NTNG2: variants seen among roughly 807,000 people sequenced by gnomAD.
NTNG2 encodes the protein netrin-G2.
Under a neutral mutation model 47.6 loss-of-function variants are expected in NTNG2, and 15 were observed. That is an observed-to-expected ratio of 0.32 (90% CI 0.21 to 0.49). The LOEUF (loss-of-function observed/expected upper bound fraction) is 0.49. Among genes scored for constraint, NTNG2 ranks in the 20% least tolerant of loss-of-function variants. The pLI is 0.99. For missense variants in NTNG2, 578 were observed against 764.6 expected (o/e 0.76, Z 2.88); for synonymous variants, 307 against 324.6 (o/e 0.95, Z 0.58).
intron 2 of NTNG2, among the ~76,000 whole-genome samples, chr9:132,170,710 TGAGA>T (rs143527538): frequency 1.4e-5 from 2 of 147,910 alleles, no homozygotes; most frequent in East Asian, 2.0e-4. Flanking sequence ...GACGAGCAGG[TGAGA>T]GAGAGAGAGA....
intron 5 of NTNG2, 34 bp from the exon 6 acceptor site, chr9:132,239,070 G>C (rs767646738): frequency 2.5e-6 from 4 of 1,603,236 alleles, no homozygotes; most frequent in Non-Finnish European, 3.4e-6. Context: ...AATGCTCGCT[G>C]ACCATTGGTA....
At chr9:132,227,446 A>G (rs1840861676) in intron 4 of NTNG2, among the ~76,000 whole-genome samples, 2 of 152,128 alleles carry the variant, frequency 1.3e-5, no homozygotes, top group African/African-American at 4.8e-5. Flanking sequence ...GGTGGCCCCC[A>G]TGGGATGGCA....
At position 132,189,068 on chromosome 9, in the gene NTNG2, CTTTTT is replaced by C. The variant is rs749756559; in HGVS notation, c.214-8875_214-8871del. Among the ~76,000 whole-genome samples, 406 of 93,288 alleles carry C rather than the reference CTTTTT, an allele frequency of 4.4e-3. 65 individuals carry two copies. In the East Asian group the frequency reaches 0.052, roughly 12 times the overall value. 61.2% of individuals were successfully genotyped at this position (93,288 alleles called of 152,430 possible). ...TATGTGAAAAAGGCTTTAAGCCTTT[CTTTTT>C]TTTTTTTTTTTTTTTTTTTTTTAGA... On this transcript the variant is annotated intron_variant, in intron 2 of 7. Coordinates refer to ENST00000393229, the MANE Select transcript of NTNG2 (RefSeq NM_032536.4).
chr9:132,198,543 C>T lies in NTNG2; in HGVS notation c.791C>T (p.Thr264Ile), dbSNP rs759744267. 2 of 1,613,096 alleles carry T rather than the reference C, an allele frequency of 1.2e-6. No individual in the cohort carries two copies. The highest frequency in any genetic ancestry group is 1.6e-4 in the Middle Eastern group (1 of 6,062). ...CTGCTGCGCCCGGCGCTGGGCGGCA[C>T]CTATGTGCAGCGGGAGAACCTCTAC... Reference protein sequence around the residue: ...MRLLRPALGGTYVQRENLYKY... With the variant: ...MRLLRPALGGIYVQRENLYKY... The change falls in exon 3 of 8, where the codon ACC becomes ATC. Residue 264 changes from threonine (T) to isoleucine (I), a missense_variant. By Grantham distance (89) the Thr-to-Ile change is moderately conservative. Transcript: ENST00000393229.
chr9:132,193,571 C>T (rs376182137), intron 2 of NTNG2, among the ~76,000 whole-genome samples: 31 of 152,232 alleles, frequency 2.0e-4, no homozygotes, highest in African/African-American at 5.3e-4. Context: ...GGGTAGGTGA[C>T]GCAGTGTGAC....
chr9:132,243,059 A>T lies in NTNG2; in HGVS notation c.*948A>T, dbSNP rs919138738. The T allele has an allele frequency of 5.6e-5, 8 of 142,540 alleles. No homozygotes were observed. Among genetic ancestry groups the T allele is most frequent in the Non-Finnish European group, 1.2e-4 (8 of 65,908 alleles). The allele number at this position is 142,540 out of a possible 1,614,324, so 8.8% of individuals were successfully genotyped here. A position where few individuals can be genotyped will look rare whatever the true frequency, so the allele number is the denominator to read the frequency against. ...TGCCCCACCTGTTAGGAGCCTCCCCACACTGAAAGGCTGCCTCCCTCCTTT... is the reference window on the plus strand; with the variant it reads ...TGCCCCACCTGTTAGGAGCCTCCCCTCACTGAAAGGCTGCCTCCCTCCTTT... On this transcript the variant is annotated 3_prime_UTR_variant, in exon 8 of 8. Transcript: ENST00000393229.
chr9:132,237,856 C>T (rs547778310), intron 5 of NTNG2, among the ~76,000 whole-genome samples: 2 of 152,320 alleles, frequency 1.3e-5, no homozygotes, highest in South Asian at 2.1e-4. Context: ...CACGGGTCAC[C>T]GATGCTGCTC....
At chr9:132,177,485 G>A (rs1417167930) in intron 2 of NTNG2, among the ~76,000 whole-genome samples, 2 of 152,206 alleles carry the variant, frequency 1.3e-5, no homozygotes, top group African/African-American at 2.4e-5. Flanking sequence ...TCTGGTGTAA[G>A]GGAAAAGGTC....
chr9:132,208,090 C>G lies in NTNG2; in HGVS notation c.857+9481C>G, dbSNP rs1391661092. 6.6e-6 allele frequency among the ~76,000 whole-genome samples: 1 copy of G among 152,002 alleles called. No homozygotes were observed. Among genetic ancestry groups the G allele is most frequent in the Non-Finnish European group, 1.5e-5 (1 of 68,006 alleles). ...CTGCACTCCAGCCTGGGCAACAGAG[C>G]GAGACCCTATCTCAAAACCCAGGGC... On this transcript the variant is annotated intron_variant, in intron 3 of 7. Coordinates refer to ENST00000393229, the MANE Select transcript of NTNG2 (RefSeq NM_032536.4). The surrounding 1 kb of genome is among the most constrained non-coding windows in gnomAD (Gnocchi z 4.0).
rs941893625 is a variant in NTNG2 at position 132,182,907 on chromosome 9, C to T, written c.214-15059C>T. On this transcript the variant is annotated intron_variant, in intron 2 of 7. Transcript: ENST00000393229. The surrounding 1 kb of genome is among the most constrained non-coding windows in gnomAD (Gnocchi z 4.2). ...CCCCCTGCCGCAGCTGCCCCCCAGA[C>T]CAGCTTCAGCAGCCTCTCTGGGCGG... 2.0e-5 allele frequency among the ~76,000 whole-genome samples: 3 copies of T among 152,112 alleles called. No homozygotes were observed. The highest frequency in any genetic ancestry group is 1.9e-4 in the East Asian group (1 of 5,162).
intron 3 of NTNG2, among the ~76,000 whole-genome samples, chr9:132,214,471 G>C (rs1839829734): frequency 6.6e-6 from 1 of 152,212 alleles, no homozygotes; most frequent in African/African-American, 2.4e-5. Flanking sequence ...TGTTATCTGG[G>C]CTGGGCTCTC....
chr9:132,172,798 C>T (rs530125844), intron 2 of NTNG2, among the ~76,000 whole-genome samples: 55 of 142,616 alleles, frequency 3.9e-4, no homozygotes, highest in Admixed American at 1.6e-3. Flanking sequence ...GGCGCAATCT[C>T]GGCTCGCTGC....
Position 132,177,721 on chromosome 9 carries a change from G to C in NTNG2, c.213+10677G>C, listed in dbSNP as rs542134484. Among the ~76,000 whole-genome samples the C allele has an allele frequency of 1.6e-3, 244 of 152,074 alleles. 1 individual carries two copies. The highest frequency in any genetic ancestry group is 3.0e-3 in the Non-Finnish European group (207 of 68,024). On this transcript the variant is annotated intron_variant, in intron 2 of 7. Transcript: ENST00000393229. ...CACCCAGGCTGGAGTGCAGTGGTGCGATCTCAGCTCACTGCAACCTCCCCC... is the reference window on the plus strand; with the variant it reads ...CACCCAGGCTGGAGTGCAGTGGTGCCATCTCAGCTCACTGCAACCTCCCCC...
intron 2 of NTNG2, among the ~76,000 whole-genome samples, chr9:132,171,900 T>C (rs1835947100): frequency 6.6e-6 from 1 of 152,082 alleles, no homozygotes; most frequent in African/African-American, 2.4e-5. Context: ...GTCACAACCC[T>C]CCAGTCGGCA....
At position 132,240,792 on chromosome 9, in the gene NTNG2, T is replaced by G. The variant is rs938698761; in HGVS notation, c.1223-118T>G. 1.6e-5 allele frequency: 23 copies of G among 1,480,686 alleles called. No individual in the cohort carries two copies. In the Middle Eastern group the frequency reaches 5.4e-4, roughly 34 times the overall value. The allele number at this position is 1,480,686 out of a possible 1,614,324, so 91.7% of individuals were successfully genotyped here. A position where few individuals can be genotyped will look rare whatever the true frequency, so the allele number is the denominator to read the frequency against. ...GCCGCGGGCTCACGTGGACCCAGTGTGGGGAGCATCCCCTGGGGAGTGTGG... is the reference window on the plus strand; with the variant it reads ...GCCGCGGGCTCACGTGGACCCAGTGGGGGGAGCATCCCCTGGGGAGTGTGG... On this transcript the variant is annotated intron_variant, in intron 6 of 7. Coordinates refer to ENST00000393229, the MANE Select transcript of NTNG2 (RefSeq NM_032536.4).
At chr9:132,239,640 TG>T (rs140142808) in intron 6 of NTNG2, among the ~76,000 whole-genome samples, 15 of 152,176 alleles carry the variant, frequency 9.9e-5, no homozygotes, top group South Asian at 4.1e-4. Flanking sequence ...GGCTGGTGTG[TG>T]GGGGGGTCCC....
chr9:132,228,374 C>A (rs1462898533), intron 4 of NTNG2, among the ~76,000 whole-genome samples: 1 of 152,202 alleles, frequency 6.6e-6, no homozygotes, highest in East Asian at 1.9e-4. Context: ...ACAGCCCACT[C>A]CAGCCGCTGC....
At chr9:132,192,466 CTG>C (rs1365057418) in intron 2 of NTNG2, among the ~76,000 whole-genome samples, 3 of 152,222 alleles carry the variant, frequency 2.0e-5, no homozygotes, top group Non-Finnish European at 2.9e-5. Flanking sequence ...TGGCGCACGC[CTG>C]TAGTCCCAGC....
intron 3 of NTNG2, among the ~76,000 whole-genome samples, chr9:132,216,604 C>T (rs1219441089): frequency 1.3e-5 from 2 of 152,046 alleles, no homozygotes; most frequent in Non-Finnish European, 2.9e-5. Context: ...CATGCCCTAT[C>T]TCTATGTTCA....
Sources: allele counts gnomAD v4.1 joint callset (sites outside exome capture counted in the v4.1 genomes callset), GRCh38; gene constraint gnomAD v4.1.1; non-coding constraint Gnocchi (gnomAD v3.1); transcripts MANE v1.5; gene names NCBI Gene and HGNC (gene_info 2026-07-23, HGNC 2026-07-21).